Variants in SLC13A3 observed in about 807,000 individuals in gnomAD.
SLC13A3 encodes solute carrier family 13 member 3.
In SLC13A3, 40 loss-of-function variants were observed where a neutral mutation model predicts 59.0. The observed-to-expected ratio is 0.68, with a 90% CI of 0.53 to 0.88. The LOEUF (loss-of-function observed/expected upper bound fraction) is 0.88. Ranked by LOEUF, SLC13A3 falls within the 40% of genes least tolerant of loss-of-function variation. The pLI is 0.00. For synonymous variants in SLC13A3, 317 were observed against 330.3 expected, an observed-to-expected ratio of 0.96 and a Z score of 0.44; for missense variants, 699 against 783.2, an observed-to-expected ratio of 0.89 and a Z score of 1.28.
At chr20:46,678,022 A>C (rs2063136150) in intron 1 of SLC13A3, among the ~76,000 whole-genome samples, 1 of 152,252 alleles carries the variant, frequency 6.6e-6, no homozygotes, top group African/African-American at 2.4e-5. Flanking sequence ...AAAAGCAAAC[A>C]TTATGTGAAC....
chr20:46,588,489 A>G (rs3752270), intron 7 of SLC13A3, among the ~76,000 whole-genome samples: 21,924 of 152,128 alleles, frequency 0.14, 1,765 homozygotes, highest in East Asian at 0.37. Context: ...ACAGAGACAG[A>G]GTCCGAAAAG....
rs549617597 is a variant in SLC13A3 at position 46,679,758 on chromosome 20, A to T, written c.-31+4638T>A. On this transcript the variant is annotated intron_variant, in intron 1 of 6. Coordinates refer to the SLC13A3 transcript ENST00000372121. The stretch of plus-strand genomic sequence containing the variant: ...CCCCGTCTTCACTAAAAATTCAAAA[A>T]TTAGCTGGGCGTGGTGGTGGGCACC... Among the ~76,000 whole-genome samples the T allele has an allele frequency of 3.3e-5, 5 of 152,212 alleles. No individual in the cohort carries two copies. In the East Asian group the frequency reaches 9.7e-4, roughly 29 times the overall value.
At position 46,643,969 on chromosome 20, in the gene SLC13A3, C is replaced by G. The variant is rs183551273; in HGVS notation, c.111+7342G>C. On this transcript the variant is annotated intron_variant, in intron 1 of 12. Coordinates refer to ENST00000279027, the MANE Select transcript of SLC13A3 (RefSeq NM_022829.6). ...GAGAGGATCACTTGAGCCCAGGAGGCAGAAGTTGTAGTGAGCCGGGATCAT... is the reference window on the plus strand; with the variant it reads ...GAGAGGATCACTTGAGCCCAGGAGGGAGAAGTTGTAGTGAGCCGGGATCAT... Among the ~76,000 whole-genome samples, 380 of 152,220 alleles carry G rather than the reference C, an allele frequency of 2.5e-3. 2 individuals carry two copies. The highest frequency in any genetic ancestry group is 8.8e-3 in the African/African-American group (366 of 41,528).
At chr20:46,644,047 T>G (rs1294975429) in intron 1 of SLC13A3, among the ~76,000 whole-genome samples, 3 of 151,928 alleles carry the variant, frequency 2.0e-5, no homozygotes, top group African/African-American at 7.3e-5. Flanking sequence ...CAAAAATAAT[T>G]AATTAATTAA....
intron 9 of SLC13A3, chr20:46,583,011 C>T: frequency 2.0e-6 from 2 of 986,010 alleles, no homozygotes; most frequent in Non-Finnish European, 2.4e-6. Context: ...CGGTTGAAAC[C>T]CAGCTTGTGT....
chr20:46,575,370 C>T (rs1331525583), intron 10 of SLC13A3, among the ~76,000 whole-genome samples: 1 of 152,202 alleles, frequency 6.6e-6, no homozygotes, highest in South Asian at 2.1e-4. Context: ...CCTTAAGGAT[C>T]CAGGCCATAA....
intron 1 of SLC13A3, among the ~76,000 whole-genome samples, chr20:46,615,121 C>T (rs2062542524): frequency 6.6e-6 from 1 of 152,152 alleles, no homozygotes; most frequent in Admixed American, 6.5e-5. Context: ...TACTTAATGT[C>T]CTATTATTTG....
chr20:46,665,200 A>T (rs965915259), intron 1 of SLC13A3, among the ~76,000 whole-genome samples: 2 of 152,078 alleles, frequency 1.3e-5, no homozygotes, highest in Non-Finnish European at 2.9e-5. Flanking sequence ...CAGGATGTCA[A>T]GGCTTCAGAG....
chr20:46,677,618 C>A (rs978796062), intron 1 of SLC13A3, among the ~76,000 whole-genome samples: 26 of 152,114 alleles, frequency 1.7e-4, no homozygotes, highest in African/African-American at 6.0e-4. Flanking sequence ...TGTTTTGGGA[C>A]CTGTTGAGTT....
intron 1 of SLC13A3, among the ~76,000 whole-genome samples, chr20:46,631,698 C>A (rs1045906634): frequency 5.9e-5 from 9 of 152,106 alleles, no homozygotes; most frequent in African/African-American, 2.2e-4. Context: ...AATCCCCCCA[C>A]CAAAGAAATC....
intron 8 of SLC13A3, chr20:46,583,986 C>T: frequency 1.0e-6 from 1 of 985,350 alleles, no homozygotes; most frequent in Non-Finnish European, 1.2e-6. Flanking sequence ...GTCCTTGGAA[C>T]CCCTATAAAT....
intron 1 of SLC13A3, among the ~76,000 whole-genome samples, chr20:46,632,216 G>A (rs990051825): frequency 3.3e-5 from 5 of 152,168 alleles, no homozygotes; most frequent in Admixed American, 1.3e-4. Flanking sequence ...ATGAAGTGCT[G>A]AACTTTGCAC....
chr20:46,629,289 C>T (rs956681291), intron 1 of SLC13A3, among the ~76,000 whole-genome samples: 1 of 152,116 alleles, frequency 6.6e-6, no homozygotes, highest in Non-Finnish European at 1.5e-5. Context: ...TTCTCCCACC[C>T]CTTATAGCTC....
chr20:46,650,002 A>C (rs2062936390), intron 1 of SLC13A3, among the ~76,000 whole-genome samples: 1 of 151,962 alleles, frequency 6.6e-6, no homozygotes, highest in Non-Finnish European at 1.5e-5. Context: ...CCTCCTCTTT[A>C]CTTTTATTTT....
chr20:46,563,131 G>T (rs1161289509), intron 12 of SLC13A3, among the ~76,000 whole-genome samples: 1 of 152,130 alleles, frequency 6.6e-6, no homozygotes, highest in African/African-American at 2.4e-5. Context: ...TCTCTCCCCC[G>T]AAGATTCTGG....
intron 2 of SLC13A3, among the ~76,000 whole-genome samples, chr20:46,612,892 TC>T (rs540542826): frequency 2.0e-5 from 3 of 152,092 alleles, no homozygotes; most frequent in Middle Eastern, 6.8e-3. Flanking sequence ...ATCCTCTGCA[TC>T]CCCCCACCTT....
At chr20:46,588,209 C>A in intron 7 of SLC13A3, 46 bp from the exon 8 acceptor site, 1 of 1,183,320 alleles carries the variant, frequency 8.5e-7, no homozygotes, top group South Asian at 1.4e-5. Flanking sequence ...GGGTTTCAGG[C>A]AGACCGCAGC....
intron 1 of SLC13A3, among the ~76,000 whole-genome samples, chr20:46,657,026 G>A (rs2062998631): frequency 6.6e-6 from 1 of 151,862 alleles, no homozygotes; most frequent in African/African-American, 2.4e-5. Flanking sequence ...TTTGTTTCCA[G>A]TGTGACACAT....
At chr20:46,651,015 T>C (rs1358031041) in intron 1 of SLC13A3, among the ~76,000 whole-genome samples, 1 of 152,172 alleles carries the variant, frequency 6.6e-6, no homozygotes, top group Non-Finnish European at 1.5e-5. Context: ...ATCACATCAC[T>C]GCACTCCAGC....
Sources: gnomAD v4.1 joint callset for allele counts (sites outside exome capture counted in the v4.1 genomes callset) on GRCh38, gnomAD v4.1.1 for gene constraint, MANE v1.5 for transcripts, NCBI Gene and HGNC (gene_info 2026-07-23, HGNC 2026-07-21) for gene names.